RIPOR2: variants seen among roughly 807,000 people sequenced by gnomAD.
The protein encoded by RIPOR2 is RHO family interacting cell polarization regulator 2, also known as rho family-interacting cell polarization regulator 2.
Under a neutral mutation model 114.5 loss-of-function variants are expected in RIPOR2, and 39 were observed. The observed-to-expected ratio is 0.34, with a 90% CI of 0.26 to 0.44. The LOEUF (loss-of-function observed/expected upper bound fraction) is 0.44. RIPOR2 is among the 20% of genes least tolerant of loss of function. RIPOR2 has a pLI of 1.00. For synonymous variants in RIPOR2, 445 were observed against 484.4 expected (o/e 0.92, Z 1.07); for missense variants, 1,007 against 1,255.1 (o/e 0.80, Z 2.99).
intron 6 of RIPOR2, 103 bp downstream of exon 6, chr6:24,868,991 G>T: frequency 1.6e-6 from 1 of 615,470 alleles, no homozygotes; most frequent in Non-Finnish European, 2.9e-6. Context: ...GAGTCAATTG[G>T]ATAGGAAGTT....
intron 1 of RIPOR2, among the ~76,000 whole-genome samples, chr6:25,031,492 C>T (rs553959671): frequency 2.7e-5 from 4 of 150,504 alleles, no homozygotes; most frequent in Admixed American, 6.6e-5. Flanking sequence ...ATGCTGTGCT[C>T]TATGTAATTA....
intron 1 of RIPOR2, among the ~76,000 whole-genome samples, chr6:24,999,724 T>G (rs926506683): frequency 1.3e-5 from 2 of 151,832 alleles, no homozygotes; most frequent in African/African-American, 4.8e-5. Context: ...CCTGGCTAAT[T>G]TTTTTGTATT....
chr6:25,024,617 G>C, intron 1 of RIPOR2: 1 of 455,022 alleles, frequency 2.2e-6, no homozygotes, highest in Non-Finnish European at 4.1e-6. Context: ...ATTGTTAAAG[G>C]TTTCCAGTTC....
intron 1 of RIPOR2, among the ~76,000 whole-genome samples, chr6:25,005,749 C>T (rs1408109210): frequency 3.3e-5 from 2 of 60,940 alleles, no homozygotes; most frequent in Admixed American, 1.9e-4. Flanking sequence ...ATACATTTAC[C>T]GATCAAAAGA....
Position 24,864,761 on chromosome 6 carries a change from T to C in RIPOR2, c.651+540A>G, listed in dbSNP as rs78391980. 2.5e-3 allele frequency among the ~76,000 whole-genome samples: 374 copies of C among 152,154 alleles called. 4 individuals carry two copies. In the South Asian group the frequency reaches 0.025, roughly 10 times the overall value. ...GTTCTTAATCTTGGCTCCTTTATGATAAAAATTTCTCACAATTAAAAAAAA... is the reference window on the plus strand; with the variant it reads ...GTTCTTAATCTTGGCTCCTTTATGACAAAAATTTCTCACAATTAAAAAAAA... On this transcript the variant is annotated intron_variant, in intron 7 of 21. Coordinates refer to ENST00000643898, the MANE Select transcript of RIPOR2 (RefSeq NM_001286445.3).
intron 2 of RIPOR2, among the ~76,000 whole-genome samples, chr6:24,875,028 C>T (rs1765578835): frequency 6.6e-6 from 1 of 152,186 alleles, no homozygotes; most frequent in Non-Finnish European, 1.5e-5. Context: ...AAAGCCGAGA[C>T]CTCCGAGGCC....
intron 9 of RIPOR2, among the ~76,000 whole-genome samples, chr6:24,851,776 A>G (rs1396158160): frequency 6.6e-6 from 1 of 151,184 alleles, no homozygotes; most frequent in Non-Finnish European, 1.5e-5. Context: ...CTGCTTACCT[A>G]GTACAATATT....
chr6:24,826,114 A>T (rs1305877319), intron 18 of RIPOR2, among the ~76,000 whole-genome samples: 1 of 151,908 alleles, frequency 6.6e-6, no homozygotes, highest in Non-Finnish European at 1.5e-5. Flanking sequence ...TTTAGTAGAG[A>T]TGGGGTTTCA....
chr6:25,040,813 G>A (rs1305596870), intron 1 of RIPOR2, among the ~76,000 whole-genome samples: 4 of 152,010 alleles, frequency 2.6e-5, no homozygotes, highest in East Asian at 1.9e-4. Flanking sequence ...GGGTGGTCTC[G>A]ATCTCTTGAC....
chr6:24,982,586 A>G (rs748251267), intron 1 of RIPOR2, among the ~76,000 whole-genome samples: 86 of 152,316 alleles, frequency 5.6e-4, no homozygotes, highest in Middle Eastern at 3.4e-3. Flanking sequence ...TTTGAGCCCA[A>G]TGACTTGCTT....
chr6:25,017,060 A>T (rs754123821), intron 1 of RIPOR2, among the ~76,000 whole-genome samples: 62 of 152,248 alleles, frequency 4.1e-4, no homozygotes, highest in Middle Eastern at 3.4e-3. Context: ...AAGAAGTGGC[A>T]CCGGCACGGT....
chr6:24,909,501 T>C (rs2817729), intron 1 of RIPOR2, among the ~76,000 whole-genome samples: 53,705 of 151,130 alleles, frequency 0.36, 9,960 homozygotes, highest in African/African-American at 0.46. Context: ...AATACCCGGG[T>C]AGGGGAGGGA....
intron 1 of RIPOR2, among the ~76,000 whole-genome samples, chr6:24,947,534 A>G (rs1195625750): frequency 2.0e-5 from 3 of 152,194 alleles, no homozygotes; most frequent in African/African-American, 7.2e-5. Flanking sequence ...CTGTGGACCG[A>G]ATTATGGAAC....
intron 1 of RIPOR2, among the ~76,000 whole-genome samples, chr6:24,980,887 G>C (rs1774259377): frequency 6.6e-6 from 1 of 152,184 alleles, no homozygotes; most frequent in Admixed American, 6.5e-5. Context: ...CAGAGGAATG[G>C]AGATTGGGGC....
rs118094720 is a variant in RIPOR2, at chr6:25,032,477, T to C, written c.76+9374A>G. 2.0e-3 allele frequency among the ~76,000 whole-genome samples: 302 copies of C among 152,242 alleles called. 3 individuals are homozygous for C. Among genetic ancestry groups the C allele is most frequent in the East Asian group, 0.018 (93 of 5,178 alleles). On this transcript the variant is annotated intron_variant, in intron 1 of 13. Coordinates refer to the RIPOR2 transcript ENST00000510784. Reference sequence around the variant, plus strand: ...CCCCTGGAGCCAACCCTTGATGGGATTGGAAATGGTCTTCTTTCCAAATCG... The same window carrying C: ...CCCCTGGAGCCAACCCTTGATGGGACTGGAAATGGTCTTCTTTCCAAATCG...
At chr6:24,960,501 A>G (rs915967025) in intron 1 of RIPOR2, among the ~76,000 whole-genome samples, 14 of 152,140 alleles carry the variant, frequency 9.2e-5, no homozygotes, top group African/African-American at 3.4e-4. Context: ...CTGGGGATTG[A>G]GCTTCAACAT....
chr6:24,978,093 G>T (rs72839989), intron 1 of RIPOR2, among the ~76,000 whole-genome samples: 261 of 152,240 alleles, frequency 1.7e-3, no homozygotes, highest in Non-Finnish European at 2.3e-3. Flanking sequence ...GAATAAGTAA[G>T]AAAACCTTTT....
chr6:24,825,284 C>T lies in RIPOR2; in HGVS notation c.2810G>A (p.Ser937Asn), dbSNP rs1460636156. 1.9e-6 allele frequency: 3 copies of T among 1,551,592 alleles called. No homozygotes were observed. The highest frequency in any genetic ancestry group is 1.2e-5 in the South Asian group (1 of 84,064). Residue 937 changes from serine (S) to asparagine (N), a missense_variant, in exon 19 of 22, where the codon AGT becomes AAT. Transcript: ENST00000643898. ...TGCCAAGTAAAGCGTCACAGCCTCA[C>T]TAACTTCGTTGTCCTCTCTGGTTAA... Reference protein sequence around the residue: ...LLLTREDNEVSEAVTLYLAAA... With the variant: ...LLLTREDNEVNEAVTLYLAAA...
At chr6:24,936,624 T>G (rs929589160), upstream of RIPOR2, among the ~76,000 whole-genome samples, 3 of 152,152 alleles carry the variant, frequency 2.0e-5, no homozygotes, top group African/African-American at 7.2e-5. Context: ...ACTGTATCAC[T>G]AAAGGAGAAA....
Sources: allele counts gnomAD v4.1 joint callset (sites outside exome capture counted in the v4.1 genomes callset), GRCh38; gene constraint gnomAD v4.1.1; transcripts MANE v1.5; gene names NCBI Gene and HGNC (gene_info 2026-07-23, HGNC 2026-07-21).